Variants in SORCS2 observed in about 807,000 individuals in gnomAD.
SORCS2 encodes the protein VPS10 domain-containing receptor SorCS2.
A neutral mutation model predicts 141.6 loss-of-function variants in SORCS2; 100 were observed. The observed-to-expected ratio is 0.71, with a 90% confidence interval of 0.60 to 0.83. SORCS2 has a LOEUF of 0.83. Among genes scored for constraint, SORCS2 ranks in the 40% least tolerant of loss-of-function variants. SORCS2 has a pLI of 0.00. For missense variants in SORCS2, 1,646 were observed against 1,560.2 expected (o/e 1.05, Z -0.93); for synonymous variants, 789 against 676.9 (o/e 1.17, Z -2.57).
chr4:7,693,861 C>A (rs967303049), intron 11 of SORCS2, among the ~76,000 whole-genome samples: 1 of 152,234 alleles, frequency 6.6e-6, no homozygotes, highest in Non-Finnish European at 1.5e-5. Flanking sequence ...GGGCGAGAAG[C>A]CCTTGGGCCT....
chr4:7,567,661 GC>G (rs1456854759), intron 3 of SORCS2, among the ~76,000 whole-genome samples: 1 of 152,078 alleles, frequency 6.6e-6, no homozygotes, highest in Non-Finnish European at 1.5e-5. Context: ...TCTCTTTGGC[GC>G]CCTTTGCACA....
At chr4:7,725,368 G>T (rs1180858094) in intron 20 of SORCS2, 81 bp downstream of exon 20, 1 of 1,507,184 alleles carries the variant, frequency 6.6e-7, no homozygotes, top group African/African-American at 1.4e-5. Flanking sequence ...CATGGCCCCA[G>T]GTTTTCAGCA....
chr4:7,492,587 A>G (rs1000378557), intron 2 of SORCS2, among the ~76,000 whole-genome samples: 2 of 152,196 alleles, frequency 1.3e-5, no homozygotes, highest in Admixed American at 6.5e-5. Flanking sequence ...GCTGCATTTT[A>G]TAATAGTTCT....
chr4:7,210,839 A>G (rs1393413223), intron 1 of SORCS2, among the ~76,000 whole-genome samples: 2 of 152,308 alleles, frequency 1.3e-5, no homozygotes, highest in East Asian at 3.9e-4. Context: ...GTCATCCATC[A>G]CCTACCAACC....
chr4:7,262,592 G>T (rs1271396955), intron 1 of SORCS2, among the ~76,000 whole-genome samples: 1 of 152,206 alleles, frequency 6.6e-6, no homozygotes, highest in East Asian at 1.9e-4. Context: ...GTAGCAATAG[G>T]TTCTATTAGG....
At chr4:7,421,543 G>A (rs919842635) in intron 2 of SORCS2, among the ~76,000 whole-genome samples, 6 of 152,284 alleles carry the variant, frequency 3.9e-5, no homozygotes, top group East Asian at 3.9e-4. Flanking sequence ...CGTCATCGTC[G>A]TTCATGGTCA....
chr4:7,597,500 G>A (rs113153354), intron 3 of SORCS2, among the ~76,000 whole-genome samples: 3,352 of 147,426 alleles, frequency 0.023, 62 homozygotes, highest in Non-Finnish European at 0.034. Context: ...AATAGGGGAG[G>A]GGGACATGCA....
At chr4:7,689,407 A>G in intron 10 of SORCS2, 79 bp from the exon 11 acceptor site, 5 of 1,373,474 alleles carry the variant, frequency 3.6e-6, no homozygotes, top group Non-Finnish European at 4.0e-6. Context: ...CCACAGGGGC[A>G]GATTTGTCAT....
At chr4:7,590,404 G>T (rs1020990663) in intron 3 of SORCS2, among the ~76,000 whole-genome samples, 21 of 152,222 alleles carry the variant, frequency 1.4e-4, no homozygotes, top group African/African-American at 5.1e-4. Flanking sequence ...TGTGAAGACT[G>T]TGAAGGTGGC....
intron 2 of SORCS2, among the ~76,000 whole-genome samples, chr4:7,482,598 T>A (rs112487813): frequency 1.1e-4 from 9 of 85,306 alleles, no homozygotes; most frequent in African/African-American, 1.9e-4. Flanking sequence ...CCCTGGCTGC[T>A]GTTCAGACCT....
intron 1 of SORCS2, among the ~76,000 whole-genome samples, chr4:7,323,859 G>C: frequency 6.6e-6 from 1 of 152,006 alleles, no homozygotes; most frequent in East Asian, 1.9e-4. Flanking sequence ...CTGGAGAGCT[G>C]GGCACGTCAT....
chr4:7,365,808 A>G (rs905265312), intron 1 of SORCS2, among the ~76,000 whole-genome samples: 1 of 152,174 alleles, frequency 6.6e-6, no homozygotes, highest in African/African-American at 2.4e-5. Context: ...AGCCTCCTTG[A>G]GAGAGCGAGC....
intron 3 of SORCS2, among the ~76,000 whole-genome samples, chr4:7,555,972 T>C (rs986048533): frequency 6.6e-6 from 1 of 152,310 alleles, no homozygotes; most frequent in South Asian, 2.1e-4. Context: ...GCTTCTGCAG[T>C]GGGTAAGAGT....
intron 3 of SORCS2, among the ~76,000 whole-genome samples, chr4:7,628,672 C>T (rs1056465935): frequency 9.2e-5 from 14 of 151,794 alleles, no homozygotes; most frequent in South Asian, 8.3e-4. Context: ...CATGTGGCCT[C>T]GTGCGGGATC....
chr4:7,248,433 C>G (rs1577319952), intron 1 of SORCS2, among the ~76,000 whole-genome samples: 1 of 152,180 alleles, frequency 6.6e-6, no homozygotes, highest in East Asian at 1.9e-4. Flanking sequence ...CTCTCTGGAC[C>G]TCCAATTCCT....
In SORCS2 at chr4:7,704,698, G is replaced by T. The variant is rs1725305035; in HGVS notation, c.1868+414G>T. 2.6e-5 allele frequency among the ~76,000 whole-genome samples: 4 copies of T among 152,334 alleles called. No individual in the cohort carries two copies. In the South Asian group the frequency reaches 8.3e-4, roughly 32 times the overall value. Reference sequence around the variant, plus strand: ...CTTGGGCCAAAAAAGGCACCATGAGGGGCAAAGGGGCCTCAGGAGCCTCTG... The same window carrying T: ...CTTGGGCCAAAAAAGGCACCATGAGTGGCAAAGGGGCCTCAGGAGCCTCTG... On this transcript the variant is annotated intron_variant, in intron 14 of 26. Coordinates refer to ENST00000507866, the MANE Select transcript of SORCS2 (RefSeq NM_020777.3).
chr4:7,692,670 C>A (rs1287067423), intron 11 of SORCS2, among the ~76,000 whole-genome samples: 1 of 152,170 alleles, frequency 6.6e-6, no homozygotes, highest in South Asian at 2.1e-4. Flanking sequence ...CATCCTGATG[C>A]CGAGTGTTCC....
At chr4:7,439,236 T>C (rs1727500657) in intron 2 of SORCS2, among the ~76,000 whole-genome samples, 1 of 152,080 alleles carries the variant, frequency 6.6e-6, no homozygotes, top group Non-Finnish European at 1.5e-5. Flanking sequence ...TATTCATCCA[T>C]CCATCTTCAC....
chr4:7,614,481 C>A (rs529180050), intron 3 of SORCS2, among the ~76,000 whole-genome samples: 14 of 149,978 alleles, frequency 9.3e-5, no homozygotes, highest in East Asian at 8.2e-4. Flanking sequence ...AACCCATCCA[C>A]GCATCCACCA....
Sources: allele counts gnomAD v4.1 joint callset (sites outside exome capture counted in the v4.1 genomes callset), GRCh38; gene constraint gnomAD v4.1.1; transcripts MANE v1.5; gene names NCBI Gene and HGNC (gene_info 2026-07-23, HGNC 2026-07-21).